The following ZEB1 variants were observed in gnomAD, a reference collection of about 807,000 sequenced individuals.
ZEB1 encodes the protein zinc finger E-box-binding homeobox 1.
Under a neutral mutation model 84.9 loss-of-function variants are expected in ZEB1, and 21 were observed. The observed-to-expected ratio is 0.25, with a 90% confidence interval of 0.18 to 0.36. The LOEUF (loss-of-function observed/expected upper bound fraction) is 0.36, where lower values mean the gene tolerates loss of function less well. Among genes scored for constraint, ZEB1 ranks in the 10% least tolerant of loss-of-function variants. The probability of loss-of-function intolerance (pLI) is 1.00; values close to 1 mark genes in which losing one functional copy is unlikely to be tolerated. For synonymous variants in ZEB1, 420 were observed against 471.1 expected (o/e 0.89, Z 1.41); for missense variants, 1,104 against 1,330.2 (o/e 0.83, Z 2.65).
chr10:31,388,104 T>C (rs796917732), intron 1 of ZEB1, among the ~76,000 whole-genome samples: 1 of 152,152 alleles, frequency 6.6e-6, no homozygotes, highest in South Asian at 2.1e-4. Flanking sequence ...TAATTGACTA[T>C]GGAGAAGAGC....
intron 4 of ZEB1, among the ~76,000 whole-genome samples, chr10:31,506,992 C>T (rs537130052): frequency 5.9e-5 from 9 of 152,174 alleles, no homozygotes; most frequent in African/African-American, 2.2e-4. Flanking sequence ...ATAAGACTCC[C>T]TTAAACATTT....
chr10:31,430,264 T>C (rs904865713), intron 1 of ZEB1, among the ~76,000 whole-genome samples: 1 of 152,198 alleles, frequency 6.6e-6, no homozygotes, highest in Non-Finnish European at 1.5e-5. Flanking sequence ...GTTTGTGTAC[T>C]GGGGAAACTG....
chr10:31,342,316 G>C (rs2039529966), intron 1 of ZEB1, among the ~76,000 whole-genome samples: 1 of 152,160 alleles, frequency 6.6e-6, no homozygotes, highest in African/African-American at 2.4e-5. Flanking sequence ...AGTAGGAAAG[G>C]AATTGAGCCC....
At chr10:31,519,994 T>A in intron 6 of ZEB1, 132 bp from the exon 7 acceptor site, 1 of 1,207,428 alleles carries the variant, frequency 8.3e-7, no homozygotes, top group African/African-American at 1.5e-5. Flanking sequence ...TTATTCTAAA[T>A]ACAGTTCTGT....
intron 1 of ZEB1, among the ~76,000 whole-genome samples, chr10:31,371,821 G>A (rs2045763286): frequency 6.6e-6 from 1 of 152,136 alleles, no homozygotes; most frequent in Non-Finnish European, 1.5e-5. Context: ...ATCTAACTGA[G>A]GGTCAGTGTT....
intron 1 of ZEB1, among the ~76,000 whole-genome samples, chr10:31,396,640 A>G (rs1186627308): frequency 2.0e-5 from 3 of 152,184 alleles, no homozygotes; most frequent in Non-Finnish European, 2.9e-5. Flanking sequence ...TTCATTAAGG[A>G]AGTTTTGAAT....
At chr10:31,341,979 G>A (rs1302065677) in intron 1 of ZEB1, among the ~76,000 whole-genome samples, 2 of 152,168 alleles carry the variant, frequency 1.3e-5, no homozygotes, top group South Asian at 4.1e-4. Context: ...AAACCAAGTT[G>A]TTTGAAGTTA....
intron 1 of ZEB1, chr10:31,374,687 C>T (rs2046293994): frequency 6.6e-6 from 1 of 151,766 alleles, no homozygotes; most frequent in Non-Finnish European, 1.5e-5. Flanking sequence ...GAATTGATAA[C>T]TTGCTTTTGA....
At chr10:31,518,690 T>C (rs2071660042) in intron 6 of ZEB1, among the ~76,000 whole-genome samples, 1 of 152,092 alleles carries the variant, frequency 6.6e-6, no homozygotes, top group African/African-American at 2.4e-5. Flanking sequence ...CCCAAATCCA[T>C]GGACCTCAAC....
chr10:31,516,536 A>G (rs2071142513), intron 6 of ZEB1, among the ~76,000 whole-genome samples: 1 of 50,314 alleles, frequency 2.0e-5, no homozygotes, highest in African/African-American at 6.3e-5. Context: ...GGGTGTCTGT[A>G]AGTAAAAAAA....
intron 3 of ZEB1, among the ~76,000 whole-genome samples, chr10:31,499,773 AAAT>A: frequency 6.6e-6 from 1 of 152,158 alleles, no homozygotes. Context: ...CTCAAAAAAA[AAAT>A]AGAAATTATC....
chr10:31,332,968 C>T (rs773364284), intron 1 of ZEB1, among the ~76,000 whole-genome samples: 4 of 152,040 alleles, frequency 2.6e-5, no homozygotes, highest in Non-Finnish European at 5.9e-5. Context: ...GCTTAACCTG[C>T]CTATGTATTA....
At chr10:31,321,224 C>T (rs2033951480) in intron 1 of ZEB1, 1 of 1,177,126 alleles carries the variant, frequency 8.5e-7, no homozygotes, top group Admixed American at 4.2e-5. Context: ...TGTCTAGAAG[C>T]AGATACGAAG....
At chr10:31,380,812 A>G (rs2047492014) in intron 1 of ZEB1, among the ~76,000 whole-genome samples, 1 of 152,188 alleles carries the variant, frequency 6.6e-6, no homozygotes, top group African/African-American at 2.4e-5. Context: ...TACCTATTTT[A>G]CATGTGACTC....
chr10:31,452,854 A>G (rs2060779626), intron 1 of ZEB1, among the ~76,000 whole-genome samples: 1 of 151,764 alleles, frequency 6.6e-6, no homozygotes. Flanking sequence ...TCTTTGCATC[A>G]CTCAGCATTC....
At chr10:31,505,360 C>T (rs2068800337) in intron 4 of ZEB1, among the ~76,000 whole-genome samples, 1 of 151,994 alleles carries the variant, frequency 6.6e-6, no homozygotes, top group African/African-American at 2.4e-5. Context: ...TTGAGGAGAA[C>T]TAGTGTTAGC....
chr10:31,351,476 A>G (rs1216402821), intron 1 of ZEB1, among the ~76,000 whole-genome samples: 3 of 152,106 alleles, frequency 2.0e-5, no homozygotes, highest in Non-Finnish European at 4.4e-5. Context: ...TTTTCTAAGA[A>G]TTATGAAGAC....
intron 2 of ZEB1, among the ~76,000 whole-genome samples, chr10:31,487,891 C>T (rs573213352): frequency 1.3e-5 from 2 of 151,160 alleles, no homozygotes; most frequent in Admixed American, 1.3e-4. Flanking sequence ...TATGGTTTTA[C>T]TTTAATCTGT....
rs1315692786 is a variant in ZEB1 at position 31,484,220 on chromosome 10, G to A, written c.260-11556G>A. On this transcript the variant is annotated intron_variant, in intron 2 of 8. Transcript: ENST00000424869. ...CCATAATTTTAATCACATCTGCAAAGTCCATTTCACCATTTAAAGTAATAT... is the reference window on the plus strand; with the variant it reads ...CCATAATTTTAATCACATCTGCAAAATCCATTTCACCATTTAAAGTAATAT... Among the ~76,000 whole-genome samples, 6 of 152,026 alleles carry A rather than the reference G, an allele frequency of 3.9e-5. No individual in the cohort carries two copies. The East Asian group carries it at 1.2e-3, about 29-fold the overall frequency.
Sources: gnomAD v4.1 joint callset for allele counts (sites outside exome capture counted in the v4.1 genomes callset) on GRCh38, gnomAD v4.1.1 for gene constraint, MANE v1.5 for transcripts, NCBI Gene and HGNC (gene_info 2026-07-23, HGNC 2026-07-21) for gene names.